The following SNX13 variants were observed in gnomAD, a reference collection of about 807,000 sequenced individuals.
The protein encoded by SNX13 is sorting nexin 13.
SNX13 carries 45 observed loss-of-function variants against 133.6 expected under a neutral mutation model. The ratio of observed to expected loss-of-function variants is 0.34; its 90% CI spans 0.27 to 0.43. The LOEUF is 0.43. Among genes scored for constraint, SNX13 ranks in the 20% least tolerant of loss-of-function variants. The pLI is 1.00. For missense variants in SNX13, 1,032 were observed against 1,145.1 expected, an observed-to-expected ratio of 0.90 and a Z score of 1.43; for synonymous variants, 414 against 373.9, an observed-to-expected ratio of 1.11 and a Z score of -1.24.
At position 17,843,047 on chromosome 7, in the gene SNX13, T is replaced by C. The variant is rs531016008; in HGVS notation, c.1165+2548A>G. Among the ~76,000 whole-genome samples the C allele has an allele frequency of 5.0e-4, 76 of 152,072 alleles. 1 individual carries two copies. The highest frequency in any genetic ancestry group is 1.7e-3 in the African/African-American group (71 of 41,506). On this transcript the variant is annotated intron_variant, in intron 12 of 25. Coordinates refer to ENST00000428135, the MANE Select transcript of SNX13 (RefSeq NM_015132.5). ...AGACTATCAAAAAAGACATAAAGCA[T>C]GTAGAAAACAAATAACAAGATGACA...
chr7:17,827,744 G>C (rs1788065982), intron 16 of SNX13, among the ~76,000 whole-genome samples: 1 of 151,612 alleles, frequency 6.6e-6, no homozygotes, highest in Admixed American at 6.6e-5. Context: ...ATCTCTGTCA[G>C]GACATACTGG....
At chr7:17,879,499 G>A (rs566169477) in intron 5 of SNX13, 5 of 152,360 alleles carry the variant, frequency 3.3e-5, no homozygotes, top group Non-Finnish European at 2.9e-5. Context: ...TACAATGGGT[G>A]TTTGGACAAT....
At chr7:17,844,110 A>G (rs1228100676) in intron 12 of SNX13, among the ~76,000 whole-genome samples, 2 of 151,942 alleles carry the variant, frequency 1.3e-5, no homozygotes, top group Non-Finnish European at 2.9e-5. Context: ...CAGAAAAACA[A>G]TAGTAAAAGT....
chr7:17,805,214 T>TGC (rs1159817006), intron 20 of SNX13, among the ~76,000 whole-genome samples: 4 of 88,834 alleles, frequency 4.5e-5, no homozygotes, highest in African/African-American at 1.5e-4. Flanking sequence ...TGATTCTTTG[T>TGC]GTGTGTGTGT....
At chr7:17,872,762 A>C (rs567288531) in intron 8 of SNX13, among the ~76,000 whole-genome samples, 78 of 152,334 alleles carry the variant, frequency 5.1e-4, no homozygotes, top group African/African-American at 1.7e-3. Flanking sequence ...AAGAGATCAT[A>C]AGCTTTTGTT....
At chr7:17,888,596 G>T in intron 5 of SNX13, 1 of 439,694 alleles carries the variant, frequency 2.3e-6, no homozygotes. Flanking sequence ...GTAAAATTAT[G>T]GGTGTTGGAT....
intron 1 of SNX13, among the ~76,000 whole-genome samples, chr7:17,933,627 T>C (rs1213654066): frequency 6.6e-6 from 1 of 151,934 alleles, no homozygotes; most frequent in African/African-American, 2.4e-5. Context: ...TCCCCTTTTT[T>C]CTCTTTCACT....
chr7:17,917,776 T>C (rs1479316400), intron 1 of SNX13, among the ~76,000 whole-genome samples: 2 of 152,156 alleles, frequency 1.3e-5, no homozygotes, highest in African/African-American at 4.8e-5. Flanking sequence ...ACATCATTTT[T>C]CACAGAGTTA....
chr7:17,814,655 T>C (rs1482724452), intron 20 of SNX13, among the ~76,000 whole-genome samples, 179 bp downstream of exon 20: 2 of 152,120 alleles, frequency 1.3e-5, no homozygotes, highest in Non-Finnish European at 2.9e-5. Flanking sequence ...ATAATCAACA[T>C]GTCAAGACAG....
In SNX13 at chr7:17,793,728, G is replaced by A. The variant is rs371702024; in HGVS notation, c.*317C>T. On this transcript the variant is annotated 3_prime_UTR_variant, in exon 26 of 26. Coordinates refer to ENST00000428135, the MANE Select transcript of SNX13 (RefSeq NM_015132.5). ...TCCTTAGCTTTCATATATACACTCT[G>A]GCACTTTGTCATTGCTGGAGAATGC... 2.5e-5 allele frequency: 6 copies of A among 239,566 alleles called. No individual in the cohort carries two copies. The highest frequency in any genetic ancestry group is 1.3e-3 in the Middle Eastern group (1 of 746). 14.8% of individuals were successfully genotyped at this position (239,566 alleles called of 1,614,324 possible). A position where few individuals can be genotyped will look rare whatever the true frequency, so the allele number is the denominator to read the frequency against.
At chr7:17,904,837 GT>G (rs1562500707) in intron 1 of SNX13, among the ~76,000 whole-genome samples, 1 of 152,168 alleles carries the variant, frequency 6.6e-6, no homozygotes, top group Non-Finnish European at 1.5e-5. Flanking sequence ...TGTACAATAA[GT>G]TGAACGTTCT....
At chr7:17,890,170 A>T (rs1201235651) in intron 5 of SNX13, 193 bp downstream of exon 5, 2 of 441,384 alleles carry the variant, frequency 4.5e-6, no homozygotes, top group East Asian at 7.3e-5. Context: ...AACATTCTGT[A>T]AAAACCTAAA....
intron 20 of SNX13, among the ~76,000 whole-genome samples, chr7:17,806,680 G>T (rs1452107443): frequency 6.6e-6 from 1 of 152,040 alleles, no homozygotes. Flanking sequence ...CAGCCAAATA[G>T]GAACAGTTCC....
At chr7:17,937,756 T>C (rs1309894098) in intron 1 of SNX13, among the ~76,000 whole-genome samples, 1 of 152,186 alleles carries the variant, frequency 6.6e-6, no homozygotes, top group Non-Finnish European at 1.5e-5. Flanking sequence ...GATTTCTGTC[T>C]CCTCCATTCT....
chr7:17,880,742 G>A (rs778704533), intron 5 of SNX13: 2 of 152,198 alleles, frequency 1.3e-5, no homozygotes, highest in Non-Finnish European at 2.9e-5. Flanking sequence ...GCACAGAATA[G>A]GAACCATTTC....
At chr7:17,899,907 G>A (rs937002910) in intron 1 of SNX13, 1 of 152,094 alleles carries the variant, frequency 6.6e-6, no homozygotes. Context: ...GGCATTTATT[G>A]CAGTCTTTAC....
chr7:17,881,082 T>C (rs373963764), intron 5 of SNX13: 5 of 152,130 alleles, frequency 3.3e-5, no homozygotes, highest in African/African-American at 9.7e-5. Context: ...AGCTGCTTTT[T>C]CCACAGAAAA....
At chr7:17,872,768 T>C (rs1239952449) in intron 8 of SNX13, among the ~76,000 whole-genome samples, 2 of 152,246 alleles carry the variant, frequency 1.3e-5, no homozygotes, top group Non-Finnish European at 2.9e-5. Flanking sequence ...TCATAAGCTT[T>C]TGTTTTTAGG....
Position 17,834,185 on chromosome 7 carries a change from C to T in SNX13, c.1465-1G>A. 6.4e-7 allele frequency: 1 copy of T among 1,555,832 alleles called. No individual in the cohort carries two copies. Among genetic ancestry groups the T allele is most frequent in the Non-Finnish European group, 8.7e-7 (1 of 1,146,076 alleles). On this transcript the variant is annotated splice_acceptor_variant, in intron 14 of 25. Coordinates refer to ENST00000428135, the MANE Select transcript of SNX13 (RefSeq NM_015132.5). LOFTEE classifies it high-confidence loss of function. ...CATCTCGTAGCATCAATTCATATAC[C>T]TTGGTGAAATAAATCAAGATATTCA...
Sources: gnomAD v4.1 joint callset for allele counts (sites outside exome capture counted in the v4.1 genomes callset) on GRCh38, gnomAD v4.1.1 for gene constraint, MANE v1.5 for transcripts, NCBI Gene and HGNC (gene_info 2026-07-23, HGNC 2026-07-21) for gene names.